Variants in DHX35 observed in about 807,000 individuals in gnomAD.
DHX35 encodes DEAH-box helicase 35, also known as probable ATP-dependent RNA helicase DHX35.
DHX35 carries 84 observed loss-of-function variants against 99.6 expected under a neutral mutation model. That is an observed-to-expected ratio of 0.84 (90% CI 0.71 to 1.01). DHX35 has a LOEUF of 1.01. Ranked by LOEUF, DHX35 falls within the 50% of genes least tolerant of loss-of-function variation. The pLI is 0.00. For synonymous variants in DHX35, 331 were observed against 316.2 expected (o/e 1.05, Z -0.50); for missense variants, 852 against 888.5 (o/e 0.96, Z 0.52).
chr20:38,984,324 A>G (rs2086218716), intron 4 of DHX35, among the ~76,000 whole-genome samples: 1 of 152,232 alleles, frequency 6.6e-6, no homozygotes, highest in South Asian at 2.1e-4. Flanking sequence ...ATATATTTTT[A>G]AAACCCCAAA....
intron 2 of DHX35, among the ~76,000 whole-genome samples, chr20:38,972,333 T>TC (rs11406419): frequency 0.38 from 57,467 of 151,928 alleles, 11,439 homozygotes; most frequent in Middle Eastern, 0.52. Context: ...TAAGTGAAAA[T>TC]GTAAAGGGCG....
At chr20:38,993,374 T>C (rs2086371398) in intron 7 of DHX35, among the ~76,000 whole-genome samples, 1 of 152,236 alleles carries the variant, frequency 6.6e-6, no homozygotes, top group African/African-American at 2.4e-5. Context: ...TTTTTCTTTT[T>C]TTGAGACGGA....
rs565354770 is a variant in DHX35 at position 38,990,583 on chromosome 20, T to C, written c.451-871T>C. 2.6e-5 allele frequency among the ~76,000 whole-genome samples: 4 copies of C among 152,202 alleles called. No homozygotes were observed. The South Asian group carries it at 8.3e-4, about 32-fold the overall frequency. ...AATTGCTAATATTACAAAATAAAAA[T>C]AAAAAATAATGTAAATTTAAAAAAA... On this transcript the variant is annotated intron_variant, in intron 5 of 21. Transcript: ENST00000252011.
In DHX35 at chr20:39,010,304, AGTCTACG is replaced by A; in HGVS notation, c.1250_1256del (p.Ser417PhefsTer16). 6.2e-7 allele frequency: 1 copy of A among 1,614,150 alleles called. No individual in the cohort carries two copies. Among genetic ancestry groups the A allele is most frequent in the South Asian group, 1.1e-5 (1 of 91,080 alleles). Reference sequence around the variant, plus strand: ...GAGGAAGCCTTTGACAAGTTGCCTCAGTCTACGGTTCCTGAGATGCAGCGTAGTAATT... The same window carrying A: ...GAGGAAGCCTTTGACAAGTTGCCTCAGTTCCTGAGATGCAGCGTAGTAATT... On this transcript the variant is annotated frameshift_variant, in exon 13 of 22. Coordinates refer to ENST00000252011, the MANE Select transcript of DHX35 (RefSeq NM_021931.4). LOFTEE classifies it high-confidence loss of function.
chr20:38,990,878 C>T (rs1470914689), intron 5 of DHX35, among the ~76,000 whole-genome samples: 1 of 152,108 alleles, frequency 6.6e-6, no homozygotes, highest in African/African-American at 2.4e-5. Context: ...CCTCATTTTA[C>T]AAATGAGCAA....
At chr20:38,986,320 C>T (rs542722516) in intron 4 of DHX35, among the ~76,000 whole-genome samples, 7 of 151,386 alleles carry the variant, frequency 4.6e-5, no homozygotes, top group East Asian at 3.9e-4. Flanking sequence ...TATTAAAAAG[C>T]CAAGAGAATA....
intron 14 of DHX35, among the ~76,000 whole-genome samples, 188 bp downstream of exon 14, chr20:39,015,122 A>G (rs924095325): frequency 6.6e-6 from 1 of 152,208 alleles, no homozygotes; most frequent in African/African-American, 2.4e-5. Context: ...ATGAAAGCTA[A>G]TTATGACAGC....
chr20:38,962,456 T>C (rs2085845992), intron 1 of DHX35, 49 bp downstream of exon 1: 3 of 1,597,296 alleles, frequency 1.9e-6, no homozygotes, highest in Non-Finnish European at 2.6e-6. Context: ...CTGACTTCGG[T>C]CTTGGCGCCG....
intron 21 of DHX35, 135 bp from the exon 22 acceptor site, chr20:39,038,364 T>C (rs2087190093): frequency 2.0e-6 from 2 of 1,009,298 alleles, no homozygotes; most frequent in East Asian, 5.2e-5. Context: ...GGCTGTTTCA[T>C]GAACAGCTCA....
intron 4 of DHX35, among the ~76,000 whole-genome samples, chr20:38,986,242 G>C (rs912022777): frequency 1.3e-5 from 2 of 150,152 alleles, no homozygotes; most frequent in African/African-American, 4.9e-5. Context: ...CTGTCAAAAA[G>C]ATAGTATTTG....
chr20:38,971,999 G>GTTTTTTTTTTTTTTTTTTTTTTTTTTTT (rs1335391217), intron 2 of DHX35, among the ~76,000 whole-genome samples: 2 of 102,994 alleles, frequency 1.9e-5, no homozygotes, highest in Non-Finnish European at 2.0e-5. Context: ...TTTTTGTTTT[G>GTTTTTTTTTTTTTTTTTTTTTTTTTTTT]TTTTGTTTTT....
chr20:38,994,774 A>G (rs752764746), intron 7 of DHX35, 47 bp from the exon 8 acceptor site: 4 of 1,480,002 alleles, frequency 2.7e-6, no homozygotes, highest in Admixed American at 1.7e-5. Flanking sequence ...GATCTCATCC[A>G]TAAGTGTTGC....
rs2086870006 is a variant in DHX35, at chr20:39,021,423, ACTATT to A, written c.1499-416_1499-412del. On this transcript the variant is annotated intron_variant, in intron 15 of 21. Coordinates refer to ENST00000252011, the MANE Select transcript of DHX35 (RefSeq NM_021931.4). ...TCCTTTTTTGGAGTCCTTCAAGGCT[ACTATT>A]CATCTGGGTTACATATGGGACTTCA... Among the ~76,000 whole-genome samples the A allele has an allele frequency of 2.6e-5, 4 of 152,372 alleles. No individual in the cohort carries two copies. The South Asian group carries it at 8.3e-4, about 32-fold the overall frequency.
intron 8 of DHX35, among the ~76,000 whole-genome samples, chr20:38,998,574 T>C (rs1012498771): frequency 1.3e-5 from 2 of 152,238 alleles, no homozygotes; most frequent in African/African-American, 2.4e-5. Context: ...CTTCTTACCA[T>C]GTCTGTATGT....
intron 2 of DHX35, among the ~76,000 whole-genome samples, chr20:38,969,692 A>G (rs2085964785): frequency 6.6e-6 from 1 of 152,234 alleles, no homozygotes; most frequent in Non-Finnish European, 1.5e-5. Context: ...TATGGTTACT[A>G]CTTACCAAGT....
intron 19 of DHX35, chr20:39,029,707 T>G (rs1257513043): frequency 1.3e-5 from 2 of 152,170 alleles, no homozygotes; most frequent in African/African-American, 2.4e-5. Context: ...CAATTTTGAC[T>G]AGCGTTTGGA....
intron 3 of DHX35, among the ~76,000 whole-genome samples, chr20:38,977,525 A>G (rs979664305): frequency 6.6e-6 from 1 of 152,100 alleles, no homozygotes; most frequent in Non-Finnish European, 1.5e-5. Context: ...CACCACTACT[A>G]TTATGTCCTA....
chr20:39,016,963 T>G (rs891092007), intron 14 of DHX35, among the ~76,000 whole-genome samples: 3 of 151,714 alleles, frequency 2.0e-5, no homozygotes, highest in African/African-American at 7.3e-5. Context: ...ATTTCTCCCA[T>G]TTTTGTGTTT....
intron 21 of DHX35, among the ~76,000 whole-genome samples, chr20:39,036,726 C>CA (rs60032935): frequency 0.016 from 809 of 51,672 alleles, 2 homozygotes; most frequent in Middle Eastern, 0.026. Flanking sequence ...ACTGTCCCCC[C>CA]AAAAAAAAAA....
Sources: allele counts gnomAD v4.1 joint callset (sites outside exome capture counted in the v4.1 genomes callset), GRCh38; gene constraint gnomAD v4.1.1; transcripts MANE v1.5; gene names NCBI Gene and HGNC (gene_info 2026-07-23, HGNC 2026-07-21).